Variants in PDE10A observed in about 807,000 individuals in gnomAD.
PDE10A encodes phosphodiesterase 10A.
PDE10A carries 39 observed loss-of-function variants against 97.7 expected under a neutral mutation model. That is an observed-to-expected ratio of 0.40 (90% CI 0.31 to 0.52). The LOEUF is 0.52. PDE10A is among the 20% of genes least tolerant of loss of function. The pLI is 0.56. For synonymous variants in PDE10A, 371 were observed against 376.8 expected, an observed-to-expected ratio of 0.98 and a Z score of 0.18; for missense variants, 731 against 1,047.8, an observed-to-expected ratio of 0.70 and a Z score of 4.17.
At chr6:165,969,368 G>A (rs1784604703) in intron 1 of PDE10A, among the ~76,000 whole-genome samples, 1 of 152,158 alleles carries the variant, frequency 6.6e-6, no homozygotes, top group African/African-American at 2.4e-5. Context: ...CCTCACTGGG[G>A]AGGGCGTGGC....
chr6:165,923,842 A>T (rs1274761379), intron 1 of PDE10A, among the ~76,000 whole-genome samples: 1 of 152,188 alleles, frequency 6.6e-6, no homozygotes, highest in African/African-American at 2.4e-5. Context: ...TTCAGAGAAA[A>T]TATAAAATGC....
At chr6:165,807,483 C>CTTT (rs1307554983) in intron 1 of PDE10A, among the ~76,000 whole-genome samples, 1 of 152,108 alleles carries the variant, frequency 6.6e-6, no homozygotes, top group African/African-American at 2.4e-5. Context: ...CACAGGAAAG[C>CTTT]AGTGAGGACA....
intron 1 of PDE10A, among the ~76,000 whole-genome samples, chr6:165,815,508 G>A (rs1779385237): frequency 6.6e-6 from 1 of 152,168 alleles, no homozygotes; most frequent in Non-Finnish European, 1.5e-5. Context: ...TATGAGTCCT[G>A]AGTTACCTGA....
upstream of PDE10A, among the ~76,000 whole-genome samples, chr6:165,666,375 C>T (rs1051616397): frequency 6.6e-6 from 1 of 152,168 alleles, no homozygotes; most frequent in African/African-American, 2.4e-5. Flanking sequence ...AATGCACGTT[C>T]CCTTTACCGT....
At chr6:165,435,410 C>T (rs945966207) in intron 5 of PDE10A, 33 bp from the exon 6 acceptor site, 1 of 1,599,244 alleles carries the variant, frequency 6.3e-7, no homozygotes, top group Non-Finnish European at 8.5e-7. Context: ...TACAGACTTT[C>T]CTGTACATGT....
chr6:165,344,091 A>G (rs1759955), intron 18 of PDE10A, among the ~76,000 whole-genome samples: 1 of 152,126 alleles, frequency 6.6e-6, no homozygotes, highest in Non-Finnish European at 1.5e-5. Context: ...TCTTTTCAAC[A>G]CCAGCCTTTC....
chr6:165,569,066 AT>A (rs1205709583), intron 1 of PDE10A, among the ~76,000 whole-genome samples: 1 of 152,218 alleles, frequency 6.6e-6, no homozygotes, highest in Non-Finnish European at 1.5e-5. Context: ...AATGTAAAAT[AT>A]TTCATCAAAT....
intron 18 of PDE10A, among the ~76,000 whole-genome samples, chr6:165,359,297 T>C (rs1022519774): frequency 2.0e-5 from 3 of 152,182 alleles, no homozygotes; most frequent in Non-Finnish European, 4.4e-5. Context: ...GCTGACAACA[T>C]ATTCTTCCAG....
rs113167831 is a variant in PDE10A, at chr6:165,671,694, T to TCACA, written c.-614-128130_-614-128127dup. ...AAAACGGATGAAAAGCAGCTAGATA[T>TCACA]CACACACACACACACACATATATAT... On this transcript the variant is annotated intron_variant, in intron 1 of 19. Transcript: ENST00000366882. This position sits in a 1 kb window ranked among gnomAD's most constrained non-coding sequence, Gnocchi z 4.6. Among the ~76,000 whole-genome samples the TCACA allele has an allele frequency of 6.6e-6, 1 of 151,278 alleles. No homozygotes were observed. The highest frequency in any genetic ancestry group is 6.6e-5 in the Admixed American group (1 of 15,158).
At chr6:165,905,162 G>A (rs1782227034) in intron 1 of PDE10A, among the ~76,000 whole-genome samples, 1 of 152,084 alleles carries the variant, frequency 6.6e-6, no homozygotes, top group Admixed American at 6.5e-5. Context: ...TACATAAAGT[G>A]ATTTCTTTAA....
intron 1 of PDE10A, among the ~76,000 whole-genome samples, chr6:165,746,871 G>A (rs887607890): frequency 6.6e-6 from 1 of 152,178 alleles, no homozygotes; most frequent in Middle Eastern, 3.2e-3. Context: ...TGACATACCT[G>A]TAACACTATG....
chr6:165,864,451 A>T (rs1780986059), intron 1 of PDE10A, among the ~76,000 whole-genome samples: 1 of 152,220 alleles, frequency 6.6e-6, no homozygotes, highest in South Asian at 2.1e-4. Flanking sequence ...CTAACAGATT[A>T]ACTAGAATAA....
chr6:165,550,659 C>A (rs1783968350), intron 1 of PDE10A, among the ~76,000 whole-genome samples: 1 of 152,080 alleles, frequency 6.6e-6, no homozygotes, highest in South Asian at 2.1e-4. Context: ...TTATTCATAT[C>A]TTGTTTTGTT....
chr6:165,713,183 C>A (rs1341187008), intron 1 of PDE10A, among the ~76,000 whole-genome samples: 7 of 152,190 alleles, frequency 4.6e-5, no homozygotes, highest in African/African-American at 1.7e-4. Context: ...CACAAAGGAG[C>A]AGATCACGAG....
At chr6:165,939,792 A>T (rs1783451000) in intron 1 of PDE10A, 4 of 152,248 alleles carry the variant, frequency 2.6e-5, no homozygotes, top group Admixed American at 2.6e-4. Flanking sequence ...CCTAGCCTGC[A>T]GGACTGGATT....
chr6:165,966,931 A>C (rs1326219944), intron 1 of PDE10A, among the ~76,000 whole-genome samples: 1 of 152,264 alleles, frequency 6.6e-6, no homozygotes, highest in Non-Finnish European at 1.5e-5. Context: ...AAGAGGGAAG[A>C]AAAACAAGAT....
chr6:165,896,364 T>C (rs945196233), intron 1 of PDE10A, among the ~76,000 whole-genome samples: 4 of 151,770 alleles, frequency 2.6e-5, no homozygotes, highest in Admixed American at 2.6e-4. Flanking sequence ...AATTTTTTTT[T>C]TTTTTTGGAG....
chr6:165,656,931 G>A (rs1789998459), intron 1 of PDE10A, among the ~76,000 whole-genome samples: 2 of 152,208 alleles, frequency 1.3e-5, no homozygotes, highest in Non-Finnish European at 2.9e-5. Flanking sequence ...GGAATCCTGA[G>A]TCCACAGAAC....
intron 1 of PDE10A, among the ~76,000 whole-genome samples, chr6:165,555,330 T>A (rs1217200315): frequency 2.6e-5 from 4 of 152,044 alleles, no homozygotes; most frequent in African/African-American, 7.2e-5. Flanking sequence ...AAAATAATTT[T>A]AAAAAAAGAA....
Sources: allele counts gnomAD v4.1 joint callset (sites outside exome capture counted in the v4.1 genomes callset), GRCh38; gene constraint gnomAD v4.1.1; non-coding constraint Gnocchi (gnomAD v3.1); transcripts MANE v1.5; gene names NCBI Gene and HGNC (gene_info 2026-07-23, HGNC 2026-07-21).